ZBTB20: variants seen among roughly 807,000 people sequenced by gnomAD.
ZBTB20 encodes zinc finger and BTB domain-containing protein 20.
A neutral mutation model predicts 56.9 loss-of-function variants in ZBTB20; 9 were observed. That is an observed-to-expected ratio of 0.16 (90% CI 0.10 to 0.28). ZBTB20 has a LOEUF of 0.28. Ranked by LOEUF, ZBTB20 falls within the 10% of genes least tolerant of loss-of-function variation. The probability of loss-of-function intolerance (pLI) is 1.00; values close to 1 mark genes in which losing one functional copy is unlikely to be tolerated. For synonymous variants in ZBTB20, 417 were observed against 420.7 expected (o/e 0.99, Z 0.11); for missense variants, 655 against 1,003.0 (o/e 0.65, Z 4.69).
chr3:114,951,467 A>T (rs1368207902), intron 3 of ZBTB20, among the ~76,000 whole-genome samples: 3 of 152,122 alleles, frequency 2.0e-5, no homozygotes, highest in Admixed American at 6.6e-5. Context: ...ACATGCATGG[A>T]TCTGATGTTA....
At chr3:114,483,776 T>A (rs1221766673) in intron 7 of ZBTB20, among the ~76,000 whole-genome samples, 1 of 152,154 alleles carries the variant, frequency 6.6e-6, no homozygotes, top group East Asian at 1.9e-4. Flanking sequence ...AATTTTAAGT[T>A]GATTAACTTT....
intron 7 of ZBTB20, among the ~76,000 whole-genome samples, chr3:114,436,823 T>G (rs1320743377): frequency 2.0e-5 from 3 of 152,050 alleles, no homozygotes; most frequent in Admixed American, 6.6e-5. Context: ...CCAGCCTGGG[T>G]GATTGAGCCA....
At chr3:114,861,184 C>T (rs931007434) in intron 4 of ZBTB20, among the ~76,000 whole-genome samples, 1 of 152,160 alleles carries the variant, frequency 6.6e-6, no homozygotes, top group Non-Finnish European at 1.5e-5. Context: ...CTTACACTGA[C>T]CATCACATCT....
chr3:114,768,415 T>C (rs2068934907), intron 5 of ZBTB20, among the ~76,000 whole-genome samples: 1 of 152,066 alleles, frequency 6.6e-6, no homozygotes, highest in Admixed American at 6.6e-5. Context: ...TAATATATAA[T>C]ACTGCCCTGA....
intron 2 of ZBTB20, among the ~76,000 whole-genome samples, chr3:114,997,990 A>G (rs543949388): frequency 7.9e-5 from 12 of 151,862 alleles, no homozygotes; most frequent in African/African-American, 2.9e-4. Flanking sequence ...GAAATCATTT[A>G]TTTTTTTAGG....
chr3:115,120,339 TA>T (rs887662852), intron 1 of ZBTB20, among the ~76,000 whole-genome samples: 39 of 151,422 alleles, frequency 2.6e-4, no homozygotes, highest in South Asian at 2.1e-3. Context: ...ACAATTGCTC[TA>T]AAAAAAAATC....
chr3:114,777,019 A>G (rs2069658064), intron 5 of ZBTB20, among the ~76,000 whole-genome samples: 1 of 152,148 alleles, frequency 6.6e-6, no homozygotes, highest in African/African-American at 2.4e-5. Context: ...CCCTAAATCA[A>G]TTATCAGTAT....
At chr3:114,943,201 C>A (rs547126313) in intron 3 of ZBTB20, among the ~76,000 whole-genome samples, 1 of 145,596 alleles carries the variant, frequency 6.9e-6, no homozygotes, top group South Asian at 2.1e-4. Flanking sequence ...GAGTAGCCAT[C>A]ACAAAGATGG....
rs149761249 is a variant in ZBTB20 at position 114,329,010 on chromosome 3, C to T, written c.*9995G>A. The T allele has an allele frequency of 2.6e-4, 40 of 152,310 alleles. No homozygotes were observed. The highest frequency in any genetic ancestry group is 8.9e-4 in the African/African-American group (37 of 41,568). 9.4% of individuals were successfully genotyped at this position (152,310 alleles called of 1,614,324 possible). A position where few individuals can be genotyped will look rare whatever the true frequency, so the allele number is the denominator to read the frequency against. On this transcript the variant is annotated 3_prime_UTR_variant, in exon 12 of 12. Transcript: ENST00000675478. ...TGTTTGTCTAGTAGAAATATATCTG[C>T]TGGAACACTTTGGAGAACAGATTGG...
intron 1 of ZBTB20, among the ~76,000 whole-genome samples, chr3:115,088,236 A>G (rs540831003): frequency 7.9e-5 from 12 of 152,016 alleles, no homozygotes; most frequent in African/African-American, 2.9e-4. Flanking sequence ...AAAGGAGTAT[A>G]GGTAAAGTTC....
At chr3:114,605,304 C>T (rs1190409289) in intron 6 of ZBTB20, among the ~76,000 whole-genome samples, 1 of 152,080 alleles carries the variant, frequency 6.6e-6, no homozygotes, top group Non-Finnish European at 1.5e-5. Context: ...ATCTAGAAGC[C>T]ACAGACAAGA....
At chr3:114,824,739 TA>T (rs2073433940) in intron 4 of ZBTB20, among the ~76,000 whole-genome samples, 1 of 151,884 alleles carries the variant, frequency 6.6e-6, no homozygotes, top group African/African-American at 2.4e-5. Context: ...CTCAGAGAGC[TA>T]AAGAGTACTG....
intron 6 of ZBTB20, among the ~76,000 whole-genome samples, chr3:114,501,902 T>C (rs963365230): frequency 1.3e-5 from 2 of 150,886 alleles, no homozygotes; most frequent in Non-Finnish European, 3.0e-5. Context: ...AGAAATGGGG[T>C]TTGCCATATT....
At chr3:114,806,630 T>C (rs189653444) in intron 4 of ZBTB20, among the ~76,000 whole-genome samples, 3 of 152,110 alleles carry the variant, frequency 2.0e-5, no homozygotes, top group Admixed American at 2.0e-4. Context: ...AAGGATTTTA[T>C]TGAATCAAGC....
intron 5 of ZBTB20, among the ~76,000 whole-genome samples, chr3:114,788,501 G>A (rs767928164): frequency 4.6e-5 from 7 of 152,060 alleles, no homozygotes; most frequent in Non-Finnish European, 8.8e-5. Flanking sequence ...TTCTTTTTAA[G>A]GAGGAATAAT....
At chr3:114,766,294 G>T (rs1371627463) in intron 5 of ZBTB20, among the ~76,000 whole-genome samples, 1 of 152,034 alleles carries the variant, frequency 6.6e-6, no homozygotes, top group Non-Finnish European at 1.5e-5. Context: ...AATGGGCACA[G>T]AAACGGATAA....
At chr3:114,664,959 C>G (rs2060963046) in intron 6 of ZBTB20, among the ~76,000 whole-genome samples, 1 of 151,898 alleles carries the variant, frequency 6.6e-6, no homozygotes, top group Non-Finnish European at 1.5e-5. Flanking sequence ...TAATCTGGAA[C>G]AAGGAATGTA....
chr3:114,867,077 T>C (rs553189001), intron 4 of ZBTB20, among the ~76,000 whole-genome samples: 119 of 152,242 alleles, frequency 7.8e-4, no homozygotes, highest in South Asian at 2.7e-3. Context: ...AAAGGAATTA[T>C]AGGATGAAAA....
chr3:114,544,361 C>T (rs1362578033), intron 6 of ZBTB20, among the ~76,000 whole-genome samples: 4 of 152,054 alleles, frequency 2.6e-5, no homozygotes, highest in African/African-American at 9.7e-5. Context: ...GGCACATAAC[C>T]TAACACCAAT....
Sources: gnomAD v4.1 joint callset for allele counts (sites outside exome capture counted in the v4.1 genomes callset) on GRCh38, gnomAD v4.1.1 for gene constraint, MANE v1.5 for transcripts, NCBI Gene and HGNC (gene_info 2026-07-23, HGNC 2026-07-21) for gene names.